The following NCKAP5 variants were observed in gnomAD, a reference collection of about 807,000 sequenced individuals.
The protein encoded by NCKAP5 is nck-associated protein 5.
Under a neutral mutation model 167.0 loss-of-function variants are expected in NCKAP5, and 92 were observed. The observed-to-expected ratio is 0.55, with a 90% CI of 0.47 to 0.66. The LOEUF (loss-of-function observed/expected upper bound fraction) is 0.66, where lower values mean the gene tolerates loss of function less well. Ranked by LOEUF, NCKAP5 falls within the 30% of genes least tolerant of loss-of-function variation. NCKAP5 has a pLI of 0.00. For missense variants in NCKAP5, 2,378 were observed against 2,315.0 expected (o/e 1.03, Z -0.56); for synonymous variants, 891 against 877.4 (o/e 1.02, Z -0.27).
chr2:133,188,197 T>C (rs2085038508), intron 5 of NCKAP5, among the ~76,000 whole-genome samples: 1 of 151,972 alleles, frequency 6.6e-6, no homozygotes, highest in African/African-American at 2.4e-5. Context: ...AGCATTTGCT[T>C]AATGGTAAGG....
chr2:133,483,109 TTATC>T (rs1250117655), intron 3 of NCKAP5, among the ~76,000 whole-genome samples: 2 of 152,174 alleles, frequency 1.3e-5, no homozygotes, highest in African/African-American at 4.8e-5. Flanking sequence ...GTCCTTCTTC[TTATC>T]TATCATCTGT....
chr2:132,680,088 C>G (rs1685015492), intron 19 of NCKAP5, among the ~76,000 whole-genome samples: 2 of 152,114 alleles, frequency 1.3e-5, no homozygotes, highest in South Asian at 4.1e-4. Flanking sequence ...CCCCTCCACA[C>G]TTTTCTCAAG....
At chr2:132,849,320 C>T (rs1688909080) in intron 11 of NCKAP5, among the ~76,000 whole-genome samples, 1 of 152,130 alleles carries the variant, frequency 6.6e-6, no homozygotes, top group Non-Finnish European at 1.5e-5. Flanking sequence ...TTATCTCAGA[C>T]ACTATTCTTG....
At chr2:132,895,082 A>G (rs1693040920) in intron 8 of NCKAP5, among the ~76,000 whole-genome samples, 3 of 152,154 alleles carry the variant, frequency 2.0e-5, no homozygotes, top group Admixed American at 6.5e-5. Context: ...CTGTAATCCC[A>G]GCACTTTGGG....
intron 7 of NCKAP5, among the ~76,000 whole-genome samples, chr2:132,992,328 T>C (rs1033313645): frequency 2.6e-5 from 4 of 152,210 alleles, no homozygotes; most frequent in African/African-American, 9.6e-5. Flanking sequence ...AGCTTTCCGT[T>C]TCGCAAAATG....
rs924878380 is a variant in NCKAP5, at chr2:132,673,172, A to T, written c.*117T>A. 2 of 1,393,076 alleles carry T rather than the reference A, an allele frequency of 1.4e-6. No individual in the cohort carries two copies. The highest frequency in any genetic ancestry group is 9.3e-7 in the Non-Finnish European group (1 of 1,076,188). 86.3% of individuals were successfully genotyped at this position (1,393,076 alleles called of 1,614,324 possible). On this transcript the variant is annotated 3_prime_UTR_variant, in exon 20 of 20. Transcript: ENST00000409261. ...TTCTTTTTCTTCCTTCTGTCCTTCA[A>T]CCTTGTTCAGAGAGTTCTTCTCTTT...
intron 1 of NCKAP5, among the ~76,000 whole-genome samples, chr2:133,565,005 G>A (rs1317990453): frequency 2.0e-5 from 3 of 152,164 alleles, no homozygotes; most frequent in South Asian, 2.1e-4. Flanking sequence ...CAATGCGGAC[G>A]GAGTTCCATG....
At chr2:132,998,973 C>T (rs1049338373) in intron 6 of NCKAP5, among the ~76,000 whole-genome samples, 1 of 152,052 alleles carries the variant, frequency 6.6e-6, no homozygotes, top group African/African-American at 2.4e-5. Context: ...ACCATTTTTT[C>T]CCCTAAATAT....
chr2:133,662,134 T>G, the NCKAP5 span, among the ~76,000 whole-genome samples: 3 of 152,152 alleles, frequency 2.0e-5, no homozygotes, highest in South Asian at 4.1e-4. Flanking sequence ...AAAGAAGATA[T>G]TCTAAGGAAG....
At chr2:132,867,169 G>T (rs761556326) in intron 10 of NCKAP5, among the ~76,000 whole-genome samples, 1 of 150,664 alleles carries the variant, frequency 6.6e-6, no homozygotes, top group Non-Finnish European at 1.5e-5. Context: ...CCTTTTTATC[G>T]TACCAAATGG....
intron 4 of NCKAP5, among the ~76,000 whole-genome samples, chr2:133,298,231 A>G (rs1680103145): frequency 6.6e-6 from 1 of 152,212 alleles, no homozygotes; most frequent in Non-Finnish European, 1.5e-5. Flanking sequence ...AATAGTATAT[A>G]AATCTGCTAT....
intron 11 of NCKAP5, among the ~76,000 whole-genome samples, chr2:132,835,625 T>C (rs898237031): frequency 6.6e-6 from 1 of 152,142 alleles, no homozygotes; most frequent in Admixed American, 6.5e-5. Context: ...TTGATTTTTT[T>C]CACTTTCCTG....
chr2:133,551,073 C>T (rs1256642602), intron 2 of NCKAP5, among the ~76,000 whole-genome samples: 2 of 150,730 alleles, frequency 1.3e-5, no homozygotes, highest in Non-Finnish European at 3.0e-5. Context: ...AACTACAAAC[C>T]ACTGCTCAAG....
intron 3 of NCKAP5, among the ~76,000 whole-genome samples, chr2:133,339,653 A>G (rs1683445531): frequency 1.3e-5 from 2 of 152,248 alleles, no homozygotes; most frequent in Admixed American, 1.3e-4. Flanking sequence ...AAAATAATTA[A>G]GAAAATCTAG....
In NCKAP5 at chr2:132,713,315, T is replaced by C. The variant is rs966757437; in HGVS notation, c.5713+12312A>G. Among the ~76,000 whole-genome samples the C allele has an allele frequency of 9.2e-5, 14 of 152,268 alleles. No homozygotes were observed. The East Asian group carries it at 2.7e-3, about 29-fold the overall frequency. ...GCAGAGACTGCTGAATACTGAAGCA[T>C]GAAGACTCACTTCCTAGTCACTACA... On this transcript the variant is annotated intron_variant, in intron 19 of 19. Coordinates refer to ENST00000409261, the MANE Select transcript of NCKAP5 (RefSeq NM_207363.3).
At chr2:132,913,007 A>C (rs914926464) in intron 8 of NCKAP5, among the ~76,000 whole-genome samples, 5 of 152,060 alleles carry the variant, frequency 3.3e-5, no homozygotes, top group African/African-American at 1.2e-4. Context: ...ATAACCTAAT[A>C]ATTTAATATG....
At chr2:133,338,031 C>T (rs1683328512) in intron 3 of NCKAP5, among the ~76,000 whole-genome samples, 1 of 152,074 alleles carries the variant, frequency 6.6e-6, no homozygotes, top group Non-Finnish European at 1.5e-5. Flanking sequence ...CATTCAAAAA[C>T]TCTAGATTTT....
chr2:133,548,216 T>C (rs1686925016), intron 2 of NCKAP5, among the ~76,000 whole-genome samples: 1 of 151,766 alleles, frequency 6.6e-6, no homozygotes. Flanking sequence ...CTCCAAGAAA[T>C]ATGGGACTAT....
At chr2:132,685,868 T>C (rs1685871156) in intron 19 of NCKAP5, among the ~76,000 whole-genome samples, 1 of 152,184 alleles carries the variant, frequency 6.6e-6, no homozygotes, top group Non-Finnish European at 1.5e-5. Context: ...TTATGGCTCT[T>C]GTCCAATCTA....
Sources: gnomAD v4.1 joint callset for allele counts (sites outside exome capture counted in the v4.1 genomes callset) on GRCh38, gnomAD v4.1.1 for gene constraint, MANE v1.5 for transcripts, NCBI Gene and HGNC (gene_info 2026-07-23, HGNC 2026-07-21) for gene names.